Variants in ZFPM1 observed in about 807,000 individuals in gnomAD.
ZFPM1 encodes zinc finger protein ZFPM1.
ZFPM1 carries 28 observed loss-of-function variants against 46.3 expected under a neutral mutation model. The ratio of observed to expected loss-of-function variants is 0.60; its 90% confidence interval spans 0.45 to 0.83. The LOEUF (loss-of-function observed/expected upper bound fraction) is 0.83, where lower values mean the gene tolerates loss of function less well. Among genes scored for constraint, ZFPM1 ranks in the 40% least tolerant of loss-of-function variants. ZFPM1 has a pLI of 0.00. For synonymous variants in ZFPM1, 957 were observed against 675.9 expected, an observed-to-expected ratio of 1.42 and a Z score of -6.45; for missense variants, 1,878 against 1,432.4, an observed-to-expected ratio of 1.31 and a Z score of -5.02.
At chr16:88,465,462 C>T (rs1908091868) in intron 1 of ZFPM1, among the ~76,000 whole-genome samples, 1 of 152,262 alleles carries the variant, frequency 6.6e-6, no homozygotes, top group African/African-American at 2.4e-5. Context: ...AGTTTCCCCA[C>T]CTGTCAAATG....
chr16:88,515,563 CT>C (rs1464343547), intron 4 of ZFPM1, among the ~76,000 whole-genome samples: 1 of 152,178 alleles, frequency 6.6e-6, no homozygotes, highest in Admixed American at 6.6e-5. Flanking sequence ...CAGGGCACCC[CT>C]GTCTGCCAGG....
At chr16:88,529,716 G>A (rs1380645510) in intron 6 of ZFPM1, among the ~76,000 whole-genome samples, 4 of 152,300 alleles carry the variant, frequency 2.6e-5, no homozygotes, top group South Asian at 2.1e-4. Flanking sequence ...AGGCTGTGGC[G>A]AGACCAACAG....
At position 88,497,645 on chromosome 16, in the gene ZFPM1, C is replaced by T. The variant is rs1056254897; in HGVS notation, c.268+8492C>T. Among the ~76,000 whole-genome samples the T allele has an allele frequency of 7.2e-5, 11 of 152,058 alleles. No homozygotes were observed. Among genetic ancestry groups the T allele is most frequent in the Non-Finnish European group, 1.5e-4 (10 of 68,008 alleles). ...CCTGAAGGGTTTTGTGGGGGGTGTT[C>T]GTGCCGTGAGCGATCCGGTCCAGCA... On this transcript the variant is annotated intron_variant, in intron 3 of 9. Transcript: ENST00000319555. This position sits in a 1 kb window ranked among gnomAD's most constrained non-coding sequence, Gnocchi z 5.4.
chr16:88,467,204 C>T lies in ZFPM1; in HGVS notation c.40+13526C>T, dbSNP rs140024201. 3.2e-3 allele frequency among the ~76,000 whole-genome samples: 487 copies of T among 152,272 alleles called. 2 individuals are homozygous for T. Among genetic ancestry groups the T allele is most frequent in the African/African-American group, 0.011 (465 of 41,550 alleles). On this transcript the variant is annotated intron_variant, in intron 1 of 9. Coordinates refer to ENST00000319555, the MANE Select transcript of ZFPM1 (RefSeq NM_153813.3). ...TTTGTCCCTGTGATCCAAGAGTCTA[C>T]CCCTTGTCAGTCCCCCATAGTTGCC...
chr16:88,491,892 C>CAGCG (rs1909599006), intron 3 of ZFPM1, among the ~76,000 whole-genome samples: 2 of 152,186 alleles, frequency 1.3e-5, no homozygotes, highest in Non-Finnish European at 2.9e-5. Context: ...GCTCTGTGGG[C>CAGCG]TGTTATCTCT....
At chr16:88,526,479 T>G (rs1019771684) in intron 4 of ZFPM1, among the ~76,000 whole-genome samples, 1 of 151,872 alleles carries the variant, frequency 6.6e-6, no homozygotes, top group African/African-American at 2.4e-5. Context: ...GGGTGTGAGT[T>G]CAGGCTCTGC....
intron 3 of ZFPM1, among the ~76,000 whole-genome samples, chr16:88,500,726 G>A (rs951990637): frequency 4.6e-5 from 7 of 152,188 alleles, no homozygotes; most frequent in African/African-American, 1.7e-4. Context: ...TGGGCTCAGG[G>A]TCCTCATCTG....
At chr16:88,478,583 C>T (rs1019016862) in intron 1 of ZFPM1, among the ~76,000 whole-genome samples, 4 of 152,274 alleles carry the variant, frequency 2.6e-5, no homozygotes, top group East Asian at 1.9e-4. Context: ...CACAGAGGCA[C>T]ACATGCCCCC....
chr16:88,479,499 G>A (rs1394902885), intron 1 of ZFPM1, among the ~76,000 whole-genome samples: 1 of 152,102 alleles, frequency 6.6e-6, no homozygotes, highest in Non-Finnish European at 1.5e-5. Context: ...CAGTCACCTT[G>A]CGCTCCCATA....
Position 88,499,256 on chromosome 16 carries a change from A to T in ZFPM1, c.268+10103A>T, listed in dbSNP as rs142838109. Among the ~76,000 whole-genome samples, 600 of 152,362 alleles carry T rather than the reference A, an allele frequency of 3.9e-3. 7 individuals carry two copies. The highest frequency in any genetic ancestry group is 0.014 in the African/African-American group (573 of 41,578). ...AGTCACCTGGGCCTCGAAGTCCCGA[A>T]ATCGCAGGCAGAGCCGGCACTCACT... On this transcript the variant is annotated intron_variant, in intron 3 of 9. Transcript: ENST00000319555.
intron 3 of ZFPM1, among the ~76,000 whole-genome samples, chr16:88,498,808 G>C (rs554979041): frequency 6.6e-6 from 1 of 152,248 alleles, no homozygotes; most frequent in Non-Finnish European, 1.5e-5. Flanking sequence ...TGGAAACTGA[G>C]TTCAGAGGTC....
At chr16:88,459,444 T>A (rs184886548) in intron 1 of ZFPM1, among the ~76,000 whole-genome samples, 3 of 152,144 alleles carry the variant, frequency 2.0e-5, no homozygotes, top group Admixed American at 2.0e-4. Flanking sequence ...TGATAGTACC[T>A]GCCCCCTGAG....
chr16:88,452,480 G>A (rs1237899266), upstream of ZFPM1, among the ~76,000 whole-genome samples: 1 of 152,222 alleles, frequency 6.6e-6, no homozygotes, highest in Non-Finnish European at 1.5e-5. Flanking sequence ...CGGCTCCCGC[G>A]CCCCCTCCTC....
chr16:88,475,515 G>GA (rs983302631), intron 1 of ZFPM1, among the ~76,000 whole-genome samples: 12 of 151,794 alleles, frequency 7.9e-5, no homozygotes, highest in Non-Finnish European at 1.6e-4. Flanking sequence ...CAGGGGTCCG[G>GA]GGGGGGGAGC....
intron 2 of ZFPM1, among the ~76,000 whole-genome samples, chr16:88,488,246 C>T (rs1007933767): frequency 5.3e-5 from 8 of 151,260 alleles, no homozygotes; most frequent in South Asian, 2.1e-4. Flanking sequence ...GCCGGCTTCC[C>T]GGGGAGCCAG....
chr16:88,503,515 G>C (rs1295426034), intron 3 of ZFPM1, among the ~76,000 whole-genome samples: 2 of 150,358 alleles, frequency 1.3e-5, no homozygotes, highest in Non-Finnish European at 2.9e-5. Flanking sequence ...GGCCTGTTCT[G>C]CCTCCAGGGC....
rs533246909 is a variant in ZFPM1, at chr16:88,494,961, G to A, written c.268+5808G>A. 5.9e-5 allele frequency among the ~76,000 whole-genome samples: 9 copies of A among 152,348 alleles called. No individual in the cohort carries two copies. The South Asian group carries it at 1.0e-3, about 18-fold the overall frequency. ...TATCTTTGAAATGACCTTGTTTGCC[G>A]GAGGGGCGGCTGCTTAAGATTCTGC... On this transcript the variant is annotated intron_variant, in intron 3 of 9. Transcript: ENST00000319555.
At chr16:88,525,651 G>A (rs1912254228) in intron 4 of ZFPM1, among the ~76,000 whole-genome samples, 1 of 152,222 alleles carries the variant, frequency 6.6e-6, no homozygotes, top group Non-Finnish European at 1.5e-5. Context: ...GGCTGAGTCA[G>A]CCTTGCAGGA....
chr16:88,485,552 A>C (rs1192654219), intron 1 of ZFPM1, among the ~76,000 whole-genome samples: 4 of 147,528 alleles, frequency 2.7e-5, no homozygotes, highest in African/African-American at 1.0e-4. Context: ...CGATCCTCCC[A>C]CCTCAGCCCT....
Sources: gnomAD v4.1 joint callset for allele counts (sites outside exome capture counted in the v4.1 genomes callset) on GRCh38, gnomAD v4.1.1 for gene constraint, Gnocchi (gnomAD v3.1) non-coding constraint, MANE v1.5 for transcripts, NCBI Gene and HGNC (gene_info 2026-07-23, HGNC 2026-07-21) for gene names.